The following ERP44 variants were observed in gnomAD, a reference collection of about 807,000 sequenced individuals.
ERP44 encodes endoplasmic reticulum protein 44.
Under a neutral mutation model 53.4 loss-of-function variants are expected in ERP44, and 25 were observed. That is an observed-to-expected ratio of 0.47 (90% CI 0.34 to 0.65). The LOEUF is 0.65. Ranked by LOEUF, ERP44 falls within the 30% of genes least tolerant of loss-of-function variation. The pLI, the probability that ERP44 is intolerant of heterozygous loss-of-function variation, is 0.01. For missense variants in ERP44, 338 were observed against 493.2 expected, an observed-to-expected ratio of 0.69 and a Z score of 2.98; for synonymous variants, 145 against 161.2, an observed-to-expected ratio of 0.90 and a Z score of 0.76.
chr9:100,024,594 T>C (rs1830632141), intron 4 of ERP44, among the ~76,000 whole-genome samples: 2 of 151,742 alleles, frequency 1.3e-5, no homozygotes, highest in African/African-American at 4.9e-5. Flanking sequence ...TTTGGAACCA[T>C]GGAAATGTTT....
At chr9:100,098,713 A>G (rs894213108) in intron 1 of ERP44, 71 bp downstream of exon 1, 52 of 1,233,426 alleles carry the variant, frequency 4.2e-5, no homozygotes, top group Middle Eastern at 3.7e-4. Flanking sequence ...CAGGAGTAGC[A>G]GTGTTCCCCC....
At chr9:99,993,897 T>C (rs1357858270) in intron 10 of ERP44, among the ~76,000 whole-genome samples, 1 of 152,126 alleles carries the variant, frequency 6.6e-6, no homozygotes, top group South Asian at 2.1e-4. Context: ...AACAGGCACA[T>C]GAAAAAATGC....
intron 3 of ERP44, among the ~76,000 whole-genome samples, chr9:100,055,714 G>A (rs2118711803): frequency 6.6e-6 from 1 of 152,244 alleles, no homozygotes; most frequent in East Asian, 1.9e-4. Flanking sequence ...AATATCTCAT[G>A]TGCCCCATAA....
chr9:100,005,204 A>G (rs1040586938), intron 10 of ERP44, among the ~76,000 whole-genome samples: 5 of 152,204 alleles, frequency 3.3e-5, no homozygotes, highest in African/African-American at 9.7e-5. Context: ...ACCTCGGGAT[A>G]AACTTCTACA....
intron 1 of ERP44, among the ~76,000 whole-genome samples, chr9:100,083,274 T>C (rs1020137082): frequency 1.6e-4 from 25 of 152,200 alleles, no homozygotes; most frequent in African/African-American, 5.8e-4. Flanking sequence ...ATCAACTAGA[T>C]AGTGGATAAA....
intron 10 of ERP44, among the ~76,000 whole-genome samples, chr9:99,990,144 A>T (rs1209552998): frequency 1.3e-5 from 2 of 152,192 alleles, no homozygotes; most frequent in African/African-American, 4.8e-5. Context: ...GCAGGCCAAC[A>T]TTCAAATTCA....
At chr9:100,057,968 C>T (rs1245793861) in intron 2 of ERP44, 109 bp from the exon 3 acceptor site, 4 of 795,044 alleles carry the variant, frequency 5.0e-6, no homozygotes, top group Non-Finnish European at 2.1e-6. Flanking sequence ...CTTAAAAAAA[C>T]ACAGTAACTA....
chr9:100,074,687 G>C (rs1008915056), intron 1 of ERP44, among the ~76,000 whole-genome samples: 2 of 152,164 alleles, frequency 1.3e-5, no homozygotes, highest in Middle Eastern at 3.2e-3. Context: ...CCTTTTACCA[G>C]GGTAACTGTG....
chr9:99,999,100 C>T (rs574520864), intron 10 of ERP44: 9 of 666,342 alleles, frequency 1.4e-5, no homozygotes, highest in South Asian at 6.6e-5. Context: ...CCCACAGCGG[C>T]GGGGCGTGGA....
chr9:100,014,339 G>A (rs1011691522), intron 8 of ERP44, among the ~76,000 whole-genome samples: 1 of 152,118 alleles, frequency 6.6e-6, no homozygotes, highest in Non-Finnish European at 1.5e-5. Flanking sequence ...AGGCTGGAGT[G>A]CAGTGGTGGA....
intron 10 of ERP44, chr9:99,998,639 T>G (rs1435998557): frequency 1.3e-6 from 1 of 767,196 alleles, no homozygotes; most frequent in Non-Finnish European, 2.4e-6. Context: ...TTGAGATCTC[T>G]CCACATCCCT....
chr9:99,979,224 A>G lies in ERP44; in HGVS notation c.*3388T>C, dbSNP rs1468116708. 1 of 135,452 alleles carries G rather than the reference A, an allele frequency of 7.4e-6. No homozygotes were observed. The highest frequency in any genetic ancestry group is 1.7e-5 in the Non-Finnish European group (1 of 58,156). 8.4% of individuals were successfully genotyped at this position (135,452 alleles called of 1,614,324 possible). A position where few individuals can be genotyped will look rare whatever the true frequency, so the allele number is the denominator to read the frequency against. On this transcript the variant is annotated 3_prime_UTR_variant, in exon 12 of 12. Transcript: ENST00000262455. ...TGTCATTTTATTTTGGTCCAGCCAT[A>G]TCTCCTTGTAGGAGAAAAAAAACTG... is the stretch of plus-strand genomic sequence containing the variant.
chr9:100,018,129 G>A, intron 7 of ERP44, 127 bp downstream of exon 7: 1 of 700,416 alleles, frequency 1.4e-6, no homozygotes, highest in South Asian at 1.6e-5. Flanking sequence ...AGCACAAGAT[G>A]ATGCTTCAAA....
chr9:100,094,639 C>A (rs1401529758), intron 1 of ERP44, among the ~76,000 whole-genome samples: 1 of 151,828 alleles, frequency 6.6e-6, no homozygotes, highest in Admixed American at 6.6e-5. Context: ...GCCTGGGCAA[C>A]ACAGTGAGAC....
At chr9:100,060,446 A>G (rs971101063) in intron 1 of ERP44, among the ~76,000 whole-genome samples, 32 of 152,224 alleles carry the variant, frequency 2.1e-4, no homozygotes, top group African/African-American at 7.7e-4. Flanking sequence ...GGGAATATAC[A>G]TATCTTTTCA....
chr9:100,048,560 G>A (rs1284814500), intron 4 of ERP44, among the ~76,000 whole-genome samples: 1 of 152,084 alleles, frequency 6.6e-6, no homozygotes, highest in Non-Finnish European at 1.5e-5. Context: ...GTCTCAAAGA[G>A]ATATTAGTAC....
chr9:100,075,152 T>A, intron 1 of ERP44, among the ~76,000 whole-genome samples: 1 of 152,194 alleles, frequency 6.6e-6, no homozygotes, highest in South Asian at 2.1e-4. Flanking sequence ...ACATCCCCAT[T>A]CTACTCTCCT....
intron 1 of ERP44, among the ~76,000 whole-genome samples, chr9:100,061,458 A>AAT (rs964624441): frequency 1.4e-4 from 21 of 147,882 alleles, no homozygotes; most frequent in Non-Finnish European, 2.5e-4. Flanking sequence ...TATATAAATA[A>AAT]ATATATATAT....
chr9:100,045,364 G>A (rs1825954172), intron 4 of ERP44, among the ~76,000 whole-genome samples: 1 of 152,090 alleles, frequency 6.6e-6, no homozygotes, highest in Admixed American at 6.6e-5. Context: ...ATTTGCGATT[G>A]TGTATTGTAC....
Sources: allele counts gnomAD v4.1 joint callset (sites outside exome capture counted in the v4.1 genomes callset), GRCh38; gene constraint gnomAD v4.1.1; transcripts MANE v1.5; gene names NCBI Gene and HGNC (gene_info 2026-07-23, HGNC 2026-07-21).